FAAP20: variants seen among roughly 807,000 people sequenced by gnomAD.
FAAP20 encodes FA core complex associated protein 20.
FAAP20 carries 12 observed loss-of-function variants against 16.2 expected under a neutral mutation model. The observed-to-expected ratio is 0.74, with a 90% CI of 0.48 to 1.20. FAAP20 has a LOEUF of 1.20. FAAP20 is among the 50% of genes most tolerant of loss of function. FAAP20 has a pLI of 0.00. For missense variants in FAAP20, 288 were observed against 245.8 expected, an observed-to-expected ratio of 1.17 and a Z score of -1.15; for synonymous variants, 141 against 110.7, an observed-to-expected ratio of 1.27 and a Z score of -1.72.
At chr1:2,203,807 G>A, upstream of FAAP20, 3 of 232,664 alleles carry the variant, frequency 1.3e-5, no homozygotes, top group Non-Finnish European at 2.1e-5. Flanking sequence ...TGACAGAGGT[G>A]CTGTCGCGTG....
chr1:2,208,493 G>T (rs982682605), downstream of FAAP20, among the ~76,000 whole-genome samples: 1 of 152,236 alleles, frequency 6.6e-6, no homozygotes, highest in Non-Finnish European at 1.5e-5. Context: ...GCAGTGCCTG[G>T]CCTGGAGGTG....
At chr1:2,205,371 G>A (rs1196231149) in intron 3 of FAAP20, among the ~76,000 whole-genome samples, 2 of 143,658 alleles carry the variant, frequency 1.4e-5, no homozygotes, top group African/African-American at 5.2e-5. Flanking sequence ...CTGTGTCCTC[G>A]GCGCCCAGCC....
chr1:2,186,124 C>T (rs1318223529), downstream of FAAP20: 3 of 451,206 alleles, frequency 6.6e-6, no homozygotes, highest in Admixed American at 2.4e-5. Context: ...GGTCGCGCCA[C>T]CTCATGCCTC....
downstream of FAAP20, chr1:2,184,804 C>G: frequency 7.2e-7 from 1 of 1,380,136 alleles, no homozygotes; most frequent in Non-Finnish European, 1.0e-6. Context: ...GTCCCACCCG[C>G]CTGGTGTCAT....
intron 3 of FAAP20, among the ~76,000 whole-genome samples, chr1:2,205,459 CA>C (rs1689224608): frequency 1.3e-5 from 2 of 151,592 alleles, no homozygotes; most frequent in Non-Finnish European, 2.9e-5. Flanking sequence ...TCCAGGTCCA[CA>C]GGCCCAGCCC....
At chr1:2,200,692 G>T (rs992466617), upstream of FAAP20, 3 of 986,950 alleles carry the variant, frequency 3.0e-6, no homozygotes, top group Non-Finnish European at 3.6e-6. Flanking sequence ...TTTCCAAGCC[G>T]CCACGCACCA....
At chr1:2,200,427 G>T, upstream of FAAP20, 1 of 157,064 alleles carries the variant, frequency 6.4e-6, no homozygotes, top group Non-Finnish European at 1.4e-5. Context: ...AGGAAAATTT[G>T]GACACAGAGA....
upstream of FAAP20, chr1:2,200,758 T>A: frequency 1.0e-6 from 1 of 995,142 alleles, no homozygotes; most frequent in Non-Finnish European, 1.2e-6. Context: ...CGGTCTCCTG[T>A]CCACCACACC....
downstream of FAAP20, among the ~76,000 whole-genome samples, chr1:2,186,576 C>T (rs183499667): frequency 3.5e-5 from 5 of 144,390 alleles, no homozygotes; most frequent in East Asian, 8.1e-4. Context: ...GCTGTTGAGA[C>T]TCAACTCCAA....
At position 2,193,699 on chromosome 1, in the gene FAAP20, G is replaced by A. The variant is rs942256490; in HGVS notation, c.410C>T (p.Ser137Phe). ...CRAPRVEQQP[S>F]VEGAAALRSC... is the part of the protein sequence containing the mutation. ...GCGCAGGGCCGCGGCACCCTCCACA[G>A]ACGGCTGCTGCTCCACCCTGGGGGC... The change falls in exon 3 of 4, where the codon TCT becomes TTT. Residue 137 changes from serine (S) to phenylalanine (F), a missense_variant. Coordinates refer to ENST00000378546, the MANE Select transcript of FAAP20 (RefSeq NM_182533.4). 1.3e-6 allele frequency: 2 copies of A among 1,596,062 alleles called. No homozygotes were observed. The highest frequency in any genetic ancestry group is 1.7e-6 in the Non-Finnish European group (2 of 1,174,352).
At chr1:2,206,613 C>T (rs1461045302) in exon 2 of FAAP20, 7 of 152,130 alleles carry the variant, frequency 4.6e-5, no homozygotes, top group Non-Finnish European at 7.3e-5. Context: ...GCGGGCGGAT[C>T]ACGAGGTCAG....
upstream of FAAP20, chr1:2,200,885 A>T (rs1572132116): frequency 9.2e-7 from 1 of 1,081,322 alleles, no homozygotes; most frequent in Non-Finnish European, 1.1e-6. Context: ...GGTGGCTGGG[A>T]CCCCCTCGGG....
chr1:2,190,780 G>A (rs1289529281), intron 3 of FAAP20: 2 of 273,514 alleles, frequency 7.3e-6, no homozygotes, highest in East Asian at 8.8e-5. Flanking sequence ...GAGCGGCCAA[G>A]TCCACAGGAC....
At chr1:2,195,238 C>T (rs1359752590), upstream of FAAP20, among the ~76,000 whole-genome samples, 1 of 152,242 alleles carries the variant, frequency 6.6e-6, no homozygotes, top group East Asian at 1.9e-4. Flanking sequence ...AAACCAGAGG[C>T]GAAGTGACAA....
At chr1:2,184,743 C>T, downstream of FAAP20, 10 of 1,564,856 alleles carry the variant, frequency 6.4e-6, no homozygotes, top group Non-Finnish European at 8.7e-6. Context: ...CCTCGGGCAG[C>T]CCCATGGCAG....
chr1:2,199,326 C>G, upstream of FAAP20: 2 of 1,037,072 alleles, frequency 1.9e-6, no homozygotes, highest in Non-Finnish European at 2.3e-6. The surrounding 1 kb of genome is among the most constrained non-coding windows in gnomAD (Gnocchi z 4.5). Flanking sequence ...ACTCAGCCCC[C>G]ACCCAGGGGC....
chr1:2,209,454 C>T (rs1477912344), downstream of FAAP20, among the ~76,000 whole-genome samples: 6 of 152,236 alleles, frequency 3.9e-5, no homozygotes, highest in African/African-American at 1.4e-4. Flanking sequence ...CCGCTGTGTC[C>T]GTGTGCTTGC....
downstream of FAAP20, among the ~76,000 whole-genome samples, chr1:2,187,513 A>G (rs568005994): frequency 2.0e-5 from 3 of 152,086 alleles, no homozygotes; most frequent in South Asian, 6.2e-4. Flanking sequence ...CATGTTTGCC[A>G]GGCTGGTCTT....
upstream of FAAP20, among the ~76,000 whole-genome samples, chr1:2,201,942 G>A (rs111579495): frequency 1.7e-4 from 25 of 151,442 alleles, 1 homozygote; most frequent in South Asian, 3.8e-3. Context: ...GCGTGAACCC[G>A]GGAGGCGGAG....
Sources: gnomAD v4.1 joint callset for allele counts (sites outside exome capture counted in the v4.1 genomes callset) on GRCh38, gnomAD v4.1.1 for gene constraint, Gnocchi (gnomAD v3.1) non-coding constraint, MANE v1.5 for transcripts, NCBI Gene and HGNC (gene_info 2026-07-23, HGNC 2026-07-21) for gene names.